Variants in ROR2 observed in about 807,000 individuals in gnomAD.
ROR2 encodes the protein tyrosine-protein kinase transmembrane receptor ROR2.
ROR2 carries 33 observed loss-of-function variants against 74.9 expected under a neutral mutation model. That is an observed-to-expected ratio of 0.44 (90% CI 0.33 to 0.59). ROR2 has a LOEUF of 0.59. Ranked by LOEUF, ROR2 falls within the 20% of genes least tolerant of loss-of-function variation. The pLI, the probability that ROR2 is intolerant of heterozygous loss-of-function variation, is 0.02. For synonymous variants in ROR2, 586 were observed against 558.7 expected (o/e 1.05, Z -0.69); for missense variants, 1,216 against 1,313.8 (o/e 0.93, Z 1.15).
chr9:91,913,496 A>C (rs1831045098), intron 1 of ROR2, among the ~76,000 whole-genome samples: 1 of 152,232 alleles, frequency 6.6e-6, no homozygotes, highest in East Asian at 1.9e-4. Context: ...ATTTTTCTGG[A>C]GACTCAAACC....
intron 1 of ROR2, among the ~76,000 whole-genome samples, chr9:91,882,182 C>T (rs748889214): frequency 6.6e-6 from 1 of 152,012 alleles, no homozygotes; most frequent in African/African-American, 2.4e-5. Context: ...GAGGCTGAGG[C>T]GGGTGGATCT....
At chr9:91,856,709 G>A (rs1458754601) in intron 1 of ROR2, among the ~76,000 whole-genome samples, 1 of 152,186 alleles carries the variant, frequency 6.6e-6, no homozygotes, top group Non-Finnish European at 1.5e-5. Context: ...TGTTTAAGCT[G>A]CCCAGTCTGG....
At position 91,723,309 on chromosome 9, in the gene ROR2, C is replaced by G. The variant is rs1461348778; in HGVS notation, c.*353G>C. 1 of 255,660 alleles carries G rather than the reference C, an allele frequency of 3.9e-6. No individual in the cohort carries two copies. The highest frequency in any genetic ancestry group is 7.5e-6 in the Non-Finnish European group (1 of 133,294). 15.8% of individuals were successfully genotyped at this position (255,660 alleles called of 1,614,324 possible). On this transcript the variant is annotated 3_prime_UTR_variant, in exon 9 of 9. Transcript: ENST00000375708. ...TATTCCCAACGTTTTGAAATATTCA[C>G]TCCATATATGACATGGAGTGAAGCT...
intron 1 of ROR2, among the ~76,000 whole-genome samples, chr9:91,819,872 T>G (rs1563981533): frequency 6.6e-6 from 1 of 151,970 alleles, no homozygotes; most frequent in East Asian, 1.9e-4. Context: ...ATGTCTGTAT[T>G]TGTGTGTGTG....
intron 1 of ROR2, among the ~76,000 whole-genome samples, chr9:91,920,316 G>C (rs1165764216): frequency 6.6e-6 from 1 of 152,140 alleles, no homozygotes; most frequent in Non-Finnish European, 1.5e-5. Flanking sequence ...GATCAGCCCT[G>C]GCAACATAGC....
intron 1 of ROR2, among the ~76,000 whole-genome samples, chr9:91,804,439 C>G (rs1283798917): frequency 2.6e-5 from 4 of 152,238 alleles, no homozygotes; most frequent in Admixed American, 6.5e-5. Context: ...TATTAAACTC[C>G]AGCCTCATGG....
At chr9:91,808,804 TA>T (rs201983384) in intron 1 of ROR2, among the ~76,000 whole-genome samples, 3,952 of 150,910 alleles carry the variant, frequency 0.026, 109 homozygotes, top group East Asian at 0.16. Context: ...AAAATATACA[TA>T]TTTTTTTTTA....
rs921769725 is a variant in ROR2 at position 91,905,135 on chromosome 9, C to G, written c.97+44732G>C. ...CAAACCACATATCACACACACACCC[C>G]CCACACAAATATCACACATGCAAGA... On this transcript the variant is annotated intron_variant, in intron 1 of 8. Coordinates refer to ENST00000375708, the MANE Select transcript of ROR2 (RefSeq NM_004560.4). This position sits in a 1 kb window ranked among gnomAD's most constrained non-coding sequence, Gnocchi z 5.3. 2.0e-5 allele frequency among the ~76,000 whole-genome samples: 3 copies of G among 151,276 alleles called. No homozygotes were observed. Among genetic ancestry groups the G allele is most frequent in the Non-Finnish European group, 4.4e-5 (3 of 67,862 alleles).
At chr9:91,885,977 G>C (rs1336421541) in intron 1 of ROR2, among the ~76,000 whole-genome samples, 3 of 149,322 alleles carry the variant, frequency 2.0e-5, no homozygotes, top group African/African-American at 7.4e-5. Flanking sequence ...GGGTTCAAGC[G>C]ATTTTCCTGC....
chr9:91,784,595 GC>G lies in ROR2; in HGVS notation c.98-8778del, dbSNP rs1188381669. ...GTTGCTGGGAGTTGCTGGTGTGGCT[GC>G]TGTTAGTGGGTGTATATACCACGTT... On this transcript the variant is annotated intron_variant, in intron 1 of 8. Transcript: ENST00000375708. Among the ~76,000 whole-genome samples, 71 of 152,252 alleles carry G rather than the reference GC, an allele frequency of 4.7e-4. 1 individual carries two copies. Among genetic ancestry groups the G allele is most frequent in the Admixed American group, 4.6e-3 (70 of 15,292 alleles).
At chr9:91,906,238 G>A (rs1208670983) in intron 1 of ROR2, among the ~76,000 whole-genome samples, 1 of 152,294 alleles carries the variant, frequency 6.6e-6, no homozygotes, top group East Asian at 1.9e-4. Flanking sequence ...GGGGCTGCAC[G>A]ACAGAGCAGG....
At chr9:91,902,998 G>A (rs1006328622) in intron 1 of ROR2, among the ~76,000 whole-genome samples, 8 of 152,076 alleles carry the variant, frequency 5.3e-5, no homozygotes, top group African/African-American at 9.7e-5. Context: ...AGTTTCTGTC[G>A]GGGATGATGA....
At chr9:91,807,211 C>T (rs1349997055) in intron 1 of ROR2, among the ~76,000 whole-genome samples, 1 of 152,178 alleles carries the variant, frequency 6.6e-6, no homozygotes, top group African/African-American at 2.4e-5. Flanking sequence ...GTCCACGCTG[C>T]AGCCTGGACA....
chr9:91,825,904 G>A (rs972036011), intron 1 of ROR2, among the ~76,000 whole-genome samples: 2 of 152,194 alleles, frequency 1.3e-5, no homozygotes, highest in Admixed American at 1.3e-4. Context: ...TCCTTCCATC[G>A]GCGAATAAAC....
At position 91,769,170 on chromosome 9, in the gene ROR2, G is replaced by A. The variant is rs1387906220; in HGVS notation, c.175+6571C>T. On this transcript the variant is annotated intron_variant, in intron 2 of 8. Transcript: ENST00000375708. ...CACCAAGTCCTAGTGCTCGACAGCT[G>A]CTCCCTCCCCATGTCATCCTGGAGC... Among the ~76,000 whole-genome samples, 3 of 152,070 alleles carry A rather than the reference G, an allele frequency of 2.0e-5. No homozygotes were observed. In the South Asian group the frequency reaches 6.2e-4, roughly 31 times the overall value.
intron 5 of ROR2, among the ~76,000 whole-genome samples, chr9:91,735,295 T>G (rs1052899573): frequency 6.6e-6 from 1 of 152,242 alleles, no homozygotes; most frequent in African/African-American, 2.4e-5. Context: ...GTCATTACTA[T>G]GCTTATTTCA....
At chr9:91,869,423 T>C (rs1288901262) in intron 1 of ROR2, among the ~76,000 whole-genome samples, 1 of 152,158 alleles carries the variant, frequency 6.6e-6, no homozygotes, top group Non-Finnish European at 1.5e-5. Flanking sequence ...CAAATGCCCT[T>C]GAACAGGTGA....
chr9:91,840,400 C>T (rs868147056), intron 1 of ROR2, among the ~76,000 whole-genome samples: 6 of 152,322 alleles, frequency 3.9e-5, no homozygotes, highest in South Asian at 2.1e-4. Flanking sequence ...CTTCCAAAGG[C>T]ACCCTCCAGA....
At position 91,862,232 on chromosome 9, in the gene ROR2, A is replaced by C. The variant is rs183174132; in HGVS notation, c.98-86414T>G. Among the ~76,000 whole-genome samples the C allele has an allele frequency of 6.7e-3, 1,021 of 152,282 alleles. 3 individuals are homozygous for C. Among genetic ancestry groups the C allele is most frequent in the Non-Finnish European group, 0.01 (702 of 68,008 alleles). On this transcript the variant is annotated intron_variant, in intron 1 of 8. Coordinates refer to ENST00000375708, the MANE Select transcript of ROR2 (RefSeq NM_004560.4). ...GTAGTCCCAGCCACTCAGGAGGCTG[A>C]GGCAAGAGAATGGTGTGAACCCAGG...
Sources: gnomAD v4.1 joint callset for allele counts (sites outside exome capture counted in the v4.1 genomes callset) on GRCh38, gnomAD v4.1.1 for gene constraint, Gnocchi (gnomAD v3.1) non-coding constraint, MANE v1.5 for transcripts, NCBI Gene and HGNC (gene_info 2026-07-23, HGNC 2026-07-21) for gene names.